PRR27: variants seen among roughly 807,000 people sequenced by gnomAD.
PRR27 encodes proline rich 27, also known as proline-rich protein 27.
In PRR27, 12 loss-of-function variants were observed where a neutral mutation model predicts 16.8. The ratio of observed to expected loss-of-function variants is 0.71; its 90% CI spans 0.46 to 1.16. The LOEUF (loss-of-function observed/expected upper bound fraction) is 1.16, where lower values mean the gene tolerates loss of function less well. Ranked by LOEUF, PRR27 falls within the 50% of genes most tolerant of loss-of-function variation. The probability of loss-of-function intolerance (pLI) is 0.00; values close to 1 mark genes in which losing one functional copy is unlikely to be tolerated. For synonymous variants in PRR27, 100 were observed against 98.4 expected, an observed-to-expected ratio of 1.02 and a Z score of -0.10; for missense variants, 277 against 273.3, an observed-to-expected ratio of 1.01 and a Z score of -0.10.
At position 70,158,700 on chromosome 4, in the gene PRR27, G is replaced by T; in HGVS notation, c.448G>T (p.Ala150Ser). 6 of 1,613,218 alleles carry T rather than the reference G, an allele frequency of 3.7e-6. No homozygotes were observed. Among genetic ancestry groups the T allele is most frequent in the Non-Finnish European group, 5.1e-6 (6 of 1,179,402 alleles). ...CACACCTGTAGCAGCTGAGCCTGCT[G>T]CAGGGGCCCCTGTTGCAGCTGAGCC... The part of the protein sequence containing the change: ...TATPVAAEPA[A>S]GAPVAAEPAA... Residue 150 changes from alanine to serine, a missense_variant, in exon 3 of 5, where the codon GCA becomes TCA. Transcript: ENST00000344526.
chr4:70,163,550 G>A lies in PRR27; in HGVS notation c.*889G>A, dbSNP rs1387660558. On this transcript the variant is annotated 3_prime_UTR_variant, in exon 5 of 5. Transcript: ENST00000344526. ...GATGGTCTTGATCTCCTGACCTCAT[G>A]ATCTGTCCGCCTCGGCCTCCCAAAG... 1 of 152,560 alleles carries A rather than the reference G, an allele frequency of 6.6e-6. No individual in the cohort carries two copies. Among genetic ancestry groups the A allele is most frequent in the East Asian group, 1.9e-4 (1 of 5,168 alleles). 9.5% of individuals were successfully genotyped at this position (152,560 alleles called of 1,614,324 possible). A position where few individuals can be genotyped will look rare whatever the true frequency, so the allele number is the denominator to read the frequency against.
Position 70,165,846 on chromosome 4 carries a change from G to C in PRR27, c.*3185G>C, listed in dbSNP as rs1205753375. ...AAGAAATGTTCACACCTTCACACTG[G>C]TATCAACTGCAACAACCACTATACT... On this transcript the variant is annotated 3_prime_UTR_variant, in exon 5 of 5. Coordinates refer to ENST00000344526, the MANE Select transcript of PRR27 (RefSeq NM_214711.4). 1 of 152,064 alleles carries C rather than the reference G, an allele frequency of 6.6e-6. No individual in the cohort carries two copies. Among genetic ancestry groups the C allele is most frequent in the Non-Finnish European group, 1.5e-5 (1 of 67,950 alleles). 9.4% of individuals were successfully genotyped at this position (152,064 alleles called of 1,614,324 possible).
chr4:70,166,559 G>A lies in PRR27; in HGVS notation c.*3898G>A, dbSNP rs1039603744. On this transcript the variant is annotated 3_prime_UTR_variant, in exon 5 of 5. Transcript: ENST00000344526. ...CATTTTCTCTAACCATTTTGAATAC[G>A]AATAACCATGGATTCTAATAGCAAA... is the stretch of plus-strand genomic sequence containing the variant. 2.6e-5 allele frequency: 4 copies of A among 151,958 alleles called. No homozygotes were observed. Among genetic ancestry groups the A allele is most frequent in the Admixed American group, 6.6e-5 (1 of 15,248 alleles). 9.4% of individuals were successfully genotyped at this position (151,958 alleles called of 1,614,324 possible).
rs1326308538 is a variant in PRR27, at chr4:70,164,183, C to T, written c.*1522C>T. The T allele has an allele frequency of 6.6e-6, 1 of 152,032 alleles. No individual in the cohort carries two copies. The highest frequency in any genetic ancestry group is 1.5e-5 in the Non-Finnish European group (1 of 68,006). 9.4% of individuals were successfully genotyped at this position (152,032 alleles called of 1,614,324 possible). A position where few individuals can be genotyped will look rare whatever the true frequency, so the allele number is the denominator to read the frequency against. On this transcript the variant is annotated 3_prime_UTR_variant, in exon 5 of 5. Coordinates refer to ENST00000344526, the MANE Select transcript of PRR27 (RefSeq NM_214711.4). The stretch of plus-strand genomic sequence containing the variant: ...CATCTTATCTCCACAAAAATATATG[C>T]TCCATAAAAACAGGCATTTCTGTGT...
Position 70,160,705 on chromosome 4 carries a change from C to T in PRR27, c.649-881C>T, listed in dbSNP as rs375275958. On this transcript the variant is annotated intron_variant, in intron 3 of 4. Coordinates refer to ENST00000344526, the MANE Select transcript of PRR27 (RefSeq NM_214711.4). ...TATTCATCTTGAACTTTAGCTTTAGCGAAGTTTACTAAACTTTTAGAAAAA... is the reference window on the plus strand; with the variant it reads ...TATTCATCTTGAACTTTAGCTTTAGTGAAGTTTACTAAACTTTTAGAAAAA... Among the ~76,000 whole-genome samples, 10 of 149,612 alleles carry T rather than the reference C, an allele frequency of 6.7e-5. No homozygotes were observed. In the East Asian group the frequency reaches 1.4e-3, roughly 21 times the overall value.
chr4:70,157,208 A>G lies in PRR27; in HGVS notation c.76-1120A>G, dbSNP rs546409557. Among the ~76,000 whole-genome samples the G allele has an allele frequency of 9.9e-5, 15 of 152,210 alleles. No homozygotes were observed. The South Asian group carries it at 3.1e-3, about 32-fold the overall frequency. On this transcript the variant is annotated intron_variant, in intron 2 of 4. Coordinates refer to ENST00000344526, the MANE Select transcript of PRR27 (RefSeq NM_214711.4). ...TAAAATTGGAAAAAAATTAAATGTTAATTAAGAAGCTTGACTGGCTGGGGA... is the reference window on the plus strand; with the variant it reads ...TAAAATTGGAAAAAAATTAAATGTTGATTAAGAAGCTTGACTGGCTGGGGA...
At chr4:70,161,565 C>CT (rs759446110) in intron 3 of PRR27, 21 bp from the exon 4 acceptor site, 249 of 1,463,166 alleles carry the variant, frequency 1.7e-4, no homozygotes, top group Middle Eastern at 3.5e-4. Flanking sequence ...ATGAAAAGAT[C>CT]TTTTTTTTAA....
intron 2 of PRR27, 93 bp from the exon 3 acceptor site, chr4:70,158,235 T>C: frequency 1.3e-6 from 1 of 795,116 alleles, no homozygotes; most frequent in Non-Finnish European, 2.0e-6. Context: ...TTTCAAAATA[T>C]CATTACTTAT....
rs1441329339 is a variant in PRR27, at chr4:70,163,807, T to TA, written c.*1147dup. 4 of 152,114 alleles carry TA rather than the reference T, an allele frequency of 2.6e-5. No homozygotes were observed. Among genetic ancestry groups the TA allele is most frequent in the African/African-American group, 7.2e-5 (3 of 41,428 alleles). 9.4% of individuals were successfully genotyped at this position (152,114 alleles called of 1,614,324 possible). A position where few individuals can be genotyped will look rare whatever the true frequency, so the allele number is the denominator to read the frequency against. ...AACACCTCTCCAAGGACACAAGACTTACCTTGTCTAACTAATGACTTTTCT... is the reference window on the plus strand; with the variant it reads ...AACACCTCTCCAAGGACACAAGACTTAACCTTGTCTAACTAATGACTTTTCT... On this transcript the variant is annotated 3_prime_UTR_variant, in exon 5 of 5. Transcript: ENST00000344526.
At position 70,166,559 on chromosome 4, in the gene PRR27, G is replaced by C. The variant is rs1039603744; in HGVS notation, c.*3898G>C. The stretch of plus-strand genomic sequence containing the variant: ...CATTTTCTCTAACCATTTTGAATAC[G>C]AATAACCATGGATTCTAATAGCAAA... On this transcript the variant is annotated 3_prime_UTR_variant, in exon 5 of 5. Coordinates refer to ENST00000344526, the MANE Select transcript of PRR27 (RefSeq NM_214711.4). 3 of 151,842 alleles carry C rather than the reference G, an allele frequency of 2.0e-5. No individual in the cohort carries two copies. The highest frequency in any genetic ancestry group is 4.4e-5 in the Non-Finnish European group (3 of 67,912). 9.4% of individuals were successfully genotyped at this position (151,842 alleles called of 1,614,324 possible).
intron 3 of PRR27, among the ~76,000 whole-genome samples, chr4:70,160,435 C>CTGTGTGTGTGTGTGTG (rs1182486828): frequency 6.5e-4 from 21 of 32,086 alleles, no homozygotes; most frequent in South Asian, 2.4e-3. Context: ...CTCTCTCTCT[C>CTGTGTGTGTGTGTGTG]TCTCTCTCTG....
rs1728556327 is a variant in PRR27 at position 70,158,689 on chromosome 4, C to T, written c.437C>T (p.Ala146Val). ...CCTCTTACAGCCACACCTGTAGCAG[C>T]TGAGCCTGCTGCAGGGGCCCCTGTT... ...AAPLTATPVAAEPAAGAPVAA... is the reference protein window; with the variant it reads ...AAPLTATPVAVEPAAGAPVAA... Residue 146 changes from alanine (A) to valine (V), a missense_variant, in exon 3 of 5, where the codon GCT becomes GTT. Physicochemically the swap from Ala to Val is moderately conservative, Grantham distance 64 (BLOSUM62 0). Transcript: ENST00000344526. 1 of 1,613,608 alleles carries T rather than the reference C, an allele frequency of 6.2e-7. No homozygotes were observed. Among genetic ancestry groups the T allele is most frequent in the Non-Finnish European group, 8.5e-7 (1 of 1,179,704 alleles).
chr4:70,154,750 C>T (rs962956709), intron 1 of PRR27: 17 of 1,332,938 alleles, frequency 1.3e-5, no homozygotes, highest in Non-Finnish European at 1.5e-5. Context: ...TTATAGAATG[C>T]TGGATTGGGC....
At chr4:70,154,463 T>C (rs1458229727) in intron 1 of PRR27, 37 bp downstream of exon 1, 1 of 1,504,568 alleles carries the variant, frequency 6.6e-7, no homozygotes, top group Non-Finnish European at 9.3e-7. Context: ...AACAATTGTA[T>C]AACCATTTGC....
At chr4:70,157,121 C>T (rs1728501104) in intron 2 of PRR27, among the ~76,000 whole-genome samples, 1 of 152,016 alleles carries the variant, frequency 6.6e-6, no homozygotes, top group Admixed American at 6.5e-5. Flanking sequence ...TGTCATACCT[C>T]AGGGGGCTCT....
At chr4:70,157,495 G>T (rs1213115810) in intron 2 of PRR27, among the ~76,000 whole-genome samples, 3 of 150,422 alleles carry the variant, frequency 2.0e-5, no homozygotes, top group Non-Finnish European at 4.4e-5. Context: ...CATCCAGTCT[G>T]CTCACTGTCT....
Position 70,166,384 on chromosome 4 carries a change from G to A in PRR27, c.*3723G>A, listed in dbSNP as rs1048291185. On this transcript the variant is annotated 3_prime_UTR_variant, in exon 5 of 5. Transcript: ENST00000344526. ...TATGTATATATGTGTGCATGTGCAT[G>A]CATAGTAAAAATCTTAACCCAAAAC... The A allele has an allele frequency of 2.0e-5, 3 of 151,924 alleles. No individual in the cohort carries two copies. The highest frequency in any genetic ancestry group is 7.2e-5 in the African/African-American group (3 of 41,398). 9.4% of individuals were successfully genotyped at this position (151,924 alleles called of 1,614,324 possible). A position where few individuals can be genotyped will look rare whatever the true frequency, so the allele number is the denominator to read the frequency against.
rs1560467782 is a variant in PRR27 at position 70,154,332 on chromosome 4, A to T, written c.-44A>T. On this transcript the variant is annotated 5_prime_UTR_variant, in exon 1 of 5. Transcript: ENST00000344526. ...TTTAAAAATACATTGCGTATTTTCT[A>T]AAACAATAAATTTATAGTGTTAATA... is the stretch of plus-strand genomic sequence containing the variant. 1 of 1,465,530 alleles carries T rather than the reference A, an allele frequency of 6.8e-7. No homozygotes were observed. Among genetic ancestry groups the T allele is most frequent in the Non-Finnish European group, 9.5e-7 (1 of 1,052,578 alleles). 90.8% of individuals were successfully genotyped at this position (1,465,530 alleles called of 1,614,324 possible). A position where few individuals can be genotyped will look rare whatever the true frequency, so the allele number is the denominator to read the frequency against.
rs926300634 is a variant in PRR27 at position 70,165,640 on chromosome 4, C to A, written c.*2979C>A. On this transcript the variant is annotated 3_prime_UTR_variant, in exon 5 of 5. Transcript: ENST00000344526. The stretch of plus-strand genomic sequence containing the variant: ...ATTATTTTGAGTCATATCTTTTGAT[C>A]GATATTAAGATACATTTGCAGAGTT... 2 of 152,042 alleles carry A rather than the reference C, an allele frequency of 1.3e-5. No individual in the cohort carries two copies. The highest frequency in any genetic ancestry group is 1.9e-4 in the East Asian group (1 of 5,176). 9.4% of individuals were successfully genotyped at this position (152,042 alleles called of 1,614,324 possible).
Sources: gnomAD v4.1 joint callset for allele counts (sites outside exome capture counted in the v4.1 genomes callset) on GRCh38, gnomAD v4.1.1 for gene constraint, MANE v1.5 for transcripts, NCBI Gene and HGNC (gene_info 2026-07-23, HGNC 2026-07-21) for gene names.